Variants in CTNND2 observed in about 807,000 individuals in gnomAD.
CTNND2 encodes catenin delta-2.
CTNND2 carries 22 observed loss-of-function variants against 144.4 expected under a neutral mutation model. That is an observed-to-expected ratio of 0.15 (90% CI 0.11 to 0.22). The LOEUF is 0.22. Among genes scored for constraint, CTNND2 ranks in the 10% least tolerant of loss-of-function variants. The probability of loss-of-function intolerance (pLI) is 1.00; values close to 1 mark genes in which losing one functional copy is unlikely to be tolerated. For missense variants in CTNND2, 1,353 were observed against 1,618.8 expected (o/e 0.84, Z 2.82); for synonymous variants, 751 against 695.6 (o/e 1.08, Z -1.25).
chr5:11,063,351 T>A lies in CTNND2; in HGVS notation c.2788+19345A>T, dbSNP rs528549312. Among the ~76,000 whole-genome samples the A allele has an allele frequency of 2.1e-4, 32 of 152,336 alleles. No individual in the cohort carries two copies. The South Asian group carries it at 6.2e-3, about 30-fold the overall frequency. On this transcript the variant is annotated intron_variant, in intron 16 of 21. Transcript: ENST00000304623. ...TTCCAATACAATTTTACATTTTATATTGAATAACTTTAATCAAGATAAATG... is the reference window on the plus strand; with the variant it reads ...TTCCAATACAATTTTACATTTTATAATGAATAACTTTAATCAAGATAAATG...
chr5:11,504,999 G>A (rs543088331), intron 3 of CTNND2, among the ~76,000 whole-genome samples: 2 of 152,004 alleles, frequency 1.3e-5, no homozygotes, highest in South Asian at 4.2e-4. Context: ...TCTCCCCTGG[G>A]GCCCTCTGCT....
At chr5:11,588,267 T>C (rs1441459317) in intron 2 of CTNND2, among the ~76,000 whole-genome samples, 1 of 151,622 alleles carries the variant, frequency 6.6e-6, no homozygotes, top group Non-Finnish European at 1.5e-5. Context: ...TTACTCTCCA[T>C]GAATAATTTC....
chr5:11,634,608 G>A (rs1012046601), intron 2 of CTNND2, among the ~76,000 whole-genome samples: 1 of 152,148 alleles, frequency 6.6e-6, no homozygotes, highest in Non-Finnish European at 1.5e-5. Flanking sequence ...GTCAGATCAG[G>A]AAAGTTGAAT....
intron 10 of CTNND2, among the ~76,000 whole-genome samples, chr5:11,208,800 A>G (rs1738318223): frequency 6.6e-6 from 1 of 152,336 alleles, no homozygotes; most frequent in East Asian, 1.9e-4. Context: ...ATTATAAACA[A>G]ACTTAAAGTC....
At chr5:11,573,670 G>C (rs1440404395) in intron 2 of CTNND2, among the ~76,000 whole-genome samples, 1 of 152,200 alleles carries the variant, frequency 6.6e-6, no homozygotes, top group African/African-American at 2.4e-5. Context: ...AAAACTGACA[G>C]ATTAATGTTT....
chr5:11,439,017 AC>A (rs1469553816), intron 3 of CTNND2, among the ~76,000 whole-genome samples: 8 of 152,012 alleles, frequency 5.3e-5, no homozygotes, highest in African/African-American at 1.9e-4. Context: ...TGTAAACTAC[AC>A]TAGTACCACC....
chr5:11,749,816 T>C (rs1169074638), intron 1 of CTNND2, among the ~76,000 whole-genome samples: 1 of 151,948 alleles, frequency 6.6e-6, no homozygotes, highest in Non-Finnish European at 1.5e-5. Flanking sequence ...ATATACAATG[T>C]TTTTGTCATC....
intron 2 of CTNND2, among the ~76,000 whole-genome samples, chr5:11,621,360 A>C (rs1029684180): frequency 6.6e-6 from 1 of 152,166 alleles, no homozygotes; most frequent in African/African-American, 2.4e-5. Context: ...TGAATTATCA[A>C]ACATAAAAAT....
At chr5:11,726,979 G>C (rs1417689282) in intron 2 of CTNND2, among the ~76,000 whole-genome samples, 1 of 152,162 alleles carries the variant, frequency 6.6e-6, no homozygotes, top group African/African-American at 2.4e-5. Context: ...ATACACATAA[G>C]AGAGCATCAG....
At chr5:11,527,686 T>C (rs1773381277) in intron 3 of CTNND2, among the ~76,000 whole-genome samples, 1 of 152,224 alleles carries the variant, frequency 6.6e-6, no homozygotes, top group Non-Finnish European at 1.5e-5. Context: ...AGCATGACAC[T>C]CCTCTAAGCT....
intron 7 of CTNND2, among the ~76,000 whole-genome samples, chr5:11,368,741 A>T (rs1757197203): frequency 6.6e-6 from 1 of 152,208 alleles, no homozygotes; most frequent in Admixed American, 6.5e-5. Context: ...ACTTGAAATA[A>T]GAATATGTGA....
intron 3 of CTNND2, among the ~76,000 whole-genome samples, chr5:11,415,945 T>A (rs1319692628): frequency 1.3e-5 from 2 of 152,134 alleles, no homozygotes; most frequent in Non-Finnish European, 2.9e-5. Context: ...AATGGAGACT[T>A]CTGCCAACCC....
intron 6 of CTNND2, among the ~76,000 whole-genome samples, chr5:11,393,696 A>T (rs1413464977): frequency 6.6e-6 from 1 of 152,172 alleles, no homozygotes. Flanking sequence ...ACCCTGGGTC[A>T]ATTATGAGGG....
Position 11,323,641 on chromosome 5 carries a change from T to C in CTNND2, c.1628+22731A>G, listed in dbSNP as rs535638234. ...TGTTGATGGGATATAATGAGTTCTCTTTTAGACATGTTGGGTTTGAGATGT... is the reference window on the plus strand; with the variant it reads ...TGTTGATGGGATATAATGAGTTCTCCTTTAGACATGTTGGGTTTGAGATGT... On this transcript the variant is annotated intron_variant, in intron 9 of 21. Coordinates refer to ENST00000304623, the MANE Select transcript of CTNND2 (RefSeq NM_001332.4). 2.0e-5 allele frequency among the ~76,000 whole-genome samples: 3 copies of C among 152,332 alleles called. No homozygotes were observed. In the South Asian group the frequency reaches 6.2e-4, roughly 32 times the overall value.
intron 3 of CTNND2, among the ~76,000 whole-genome samples, chr5:11,556,105 A>C (rs1371340568): frequency 6.6e-6 from 1 of 152,198 alleles, no homozygotes; most frequent in Non-Finnish European, 1.5e-5. Context: ...GAAACTAACA[A>C]TTACTCCCTA....
At chr5:11,625,529 A>C (rs1186980529) in intron 2 of CTNND2, among the ~76,000 whole-genome samples, 1 of 152,142 alleles carries the variant, frequency 6.6e-6, no homozygotes, top group Non-Finnish European at 1.5e-5. Flanking sequence ...TAAGGAAATA[A>C]GGGAACAAAA....
chr5:11,420,633 G>A (rs1225532606), intron 3 of CTNND2, among the ~76,000 whole-genome samples: 2 of 152,122 alleles, frequency 1.3e-5, no homozygotes, highest in Admixed American at 6.5e-5. Flanking sequence ...ACTGGTTTGG[G>A]TTGCCGAATA....
intron 18 of CTNND2, among the ~76,000 whole-genome samples, chr5:11,008,295 G>A (rs997055520): frequency 1.3e-5 from 2 of 152,156 alleles, no homozygotes; most frequent in African/African-American, 4.8e-5. Flanking sequence ...ACCTTGAAAG[G>A]GAGAGATCAT....
In CTNND2 at chr5:11,858,418, TA is replaced by T. The variant is rs1271822762; in HGVS notation, c.37+45398del. Among the ~76,000 whole-genome samples, 5 of 152,298 alleles carry T rather than the reference TA, an allele frequency of 3.3e-5. No homozygotes were observed. In the South Asian group the frequency reaches 1.0e-3, roughly 32 times the overall value. The stretch of plus-strand genomic sequence containing the variant: ...AACTTGGAAGTGTTCATAAGGTAAC[TA>T]AACCCAAAATTGCTGCTGCAAATGT... On this transcript the variant is annotated intron_variant, in intron 1 of 21. Coordinates refer to ENST00000304623, the MANE Select transcript of CTNND2 (RefSeq NM_001332.4).
Sources: allele counts gnomAD v4.1 joint callset (sites outside exome capture counted in the v4.1 genomes callset), GRCh38; gene constraint gnomAD v4.1.1; transcripts MANE v1.5; gene names NCBI Gene and HGNC (gene_info 2026-07-23, HGNC 2026-07-21).